Variants in CEP63 observed in about 807,000 individuals in gnomAD.
CEP63 encodes the protein centrosomal protein 63, also known as centrosomal protein of 63 kDa.
Under a neutral mutation model 89.1 loss-of-function variants are expected in CEP63, and 84 were observed. The observed-to-expected ratio is 0.94, with a 90% CI of 0.79 to 1.13. The LOEUF (loss-of-function observed/expected upper bound fraction) is 1.13, where lower values mean the gene tolerates loss of function less well. CEP63 is among the 50% of genes most tolerant of loss of function. The pLI is 0.00. For synonymous variants in CEP63, 267 were observed against 272.5 expected, an observed-to-expected ratio of 0.98 and a Z score of 0.20; for missense variants, 838 against 813.3, an observed-to-expected ratio of 1.03 and a Z score of -0.37.
chr3:134,611,496 A>AG, the CEP63 span, among the ~76,000 whole-genome samples: 1 of 152,226 alleles, frequency 6.6e-6, no homozygotes, highest in African/African-American at 2.4e-5. Flanking sequence ...ATCCCATGCT[A>AG]GCCCTCCTAG....
At chr3:134,595,197 C>A in the CEP63 span, among the ~76,000 whole-genome samples, 5 of 152,166 alleles carry the variant, frequency 3.3e-5, 1 homozygote, top group Admixed American at 2.6e-4. Flanking sequence ...TCATGCTGTT[C>A]TCGTGATAGT....
chr3:134,652,373 G>A, the CEP63 span, among the ~76,000 whole-genome samples: 1 of 152,098 alleles, frequency 6.6e-6, no homozygotes, highest in African/African-American at 2.4e-5. Flanking sequence ...AGATTCTGAA[G>A]GTCTTCCTCC....
the CEP63 span, among the ~76,000 whole-genome samples, chr3:134,660,463 C>T: frequency 1.3e-5 from 2 of 152,156 alleles, no homozygotes; most frequent in African/African-American, 4.8e-5. Flanking sequence ...TCACGTAGTT[C>T]AGAAGTGGCA....
At chr3:134,745,696 A>G in the CEP63 span, among the ~76,000 whole-genome samples, 1 of 149,864 alleles carries the variant, frequency 6.7e-6, no homozygotes, top group Non-Finnish European at 1.5e-5. Context: ...CCCCCACCCC[A>G]TGACAGGCCC....
At chr3:134,500,496 T>C (rs1371670607) in intron 2 of CEP63, among the ~76,000 whole-genome samples, 2 of 152,162 alleles carry the variant, frequency 1.3e-5, no homozygotes, top group African/African-American at 2.4e-5. Flanking sequence ...TCTCATTCTA[T>C]TTTTAGTTAT....
chr3:134,661,313 A>C, the CEP63 span, among the ~76,000 whole-genome samples: 77 of 152,312 alleles, frequency 5.1e-4, no homozygotes, highest in Middle Eastern at 3.4e-3. Flanking sequence ...GCAAACCATC[A>C]GCCAACCCCA....
At chr3:134,655,272 G>A in the CEP63 span, among the ~76,000 whole-genome samples, 4 of 152,198 alleles carry the variant, frequency 2.6e-5, no homozygotes, top group Non-Finnish European at 5.9e-5. Context: ...TCTGACCTCC[G>A]TGTTGCCTTC....
chr3:134,560,268 G>A (rs1957112310), intron 14 of CEP63, among the ~76,000 whole-genome samples: 1 of 152,178 alleles, frequency 6.6e-6, no homozygotes, highest in Admixed American at 6.5e-5. Context: ...GTGATGGGAT[G>A]TTCCCTCAGA....
exon 11 of CEP63, among the ~76,000 whole-genome samples, chr3:134,587,761 T>C (rs1402277208): frequency 1.3e-5 from 2 of 151,900 alleles, no homozygotes; most frequent in African/African-American, 4.8e-5. Flanking sequence ...AAATCACCTG[T>C]CTTCTCCATC....
the CEP63 span, among the ~76,000 whole-genome samples, chr3:134,777,654 T>C: frequency 6.8e-6 from 1 of 147,246 alleles, no homozygotes; most frequent in Non-Finnish European, 1.5e-5. Context: ...AGTTTTGCTC[T>C]GTTGCTCAGG....
At chr3:134,676,654 T>C in the CEP63 span, among the ~76,000 whole-genome samples, 1 of 152,108 alleles carries the variant, frequency 6.6e-6, no homozygotes, top group Non-Finnish European at 1.5e-5. Flanking sequence ...GGGTCAACAG[T>C]GAGGAATTGA....
At chr3:134,699,407 G>A in the CEP63 span, among the ~76,000 whole-genome samples, 1 of 152,188 alleles carries the variant, frequency 6.6e-6, no homozygotes, top group Non-Finnish European at 1.5e-5. Flanking sequence ...AAGAGAGTGC[G>A]CTATCCAAGC....
chr3:134,657,519 A>T, the CEP63 span, among the ~76,000 whole-genome samples: 1,910 of 152,114 alleles, frequency 0.013, 35 homozygotes, highest in African/African-American at 0.042. Flanking sequence ...AAGCTAATTT[A>T]AAAGATTGCT....
At chr3:134,716,754 C>T in the CEP63 span, among the ~76,000 whole-genome samples, 1 of 152,222 alleles carries the variant, frequency 6.6e-6, no homozygotes. Flanking sequence ...GCCTCCTCTG[C>T]TTCTGTCATT....
At chr3:134,657,140 T>C in the CEP63 span, among the ~76,000 whole-genome samples, 477 of 152,278 alleles carry the variant, frequency 3.1e-3, 5 homozygotes, top group African/African-American at 0.011. Context: ...CTCAGAATCA[T>C]GATGGGAGGC....
the CEP63 span, among the ~76,000 whole-genome samples, chr3:134,750,961 T>C: frequency 6.6e-6 from 1 of 152,240 alleles, no homozygotes; most frequent in Non-Finnish European, 1.5e-5. Context: ...GGATTCACAA[T>C]ATTGTGCAAC....
At chr3:134,717,460 A>C in the CEP63 span, among the ~76,000 whole-genome samples, 1 of 152,198 alleles carries the variant, frequency 6.6e-6, no homozygotes, top group African/African-American at 2.4e-5. Flanking sequence ...TTGCAAAACG[A>C]AACACCTTGT....
At chr3:134,780,844 A>G in the CEP63 span, among the ~76,000 whole-genome samples, 1 of 152,156 alleles carries the variant, frequency 6.6e-6, no homozygotes, top group Non-Finnish European at 1.5e-5. Flanking sequence ...TGTTTATGAC[A>G]TTCTCCTCCT....
the CEP63 span, among the ~76,000 whole-genome samples, chr3:134,680,372 T>C: frequency 7.2e-5 from 11 of 152,162 alleles, no homozygotes; most frequent in South Asian, 2.1e-4. Flanking sequence ...ACAAAGGCCA[T>C]TGGGGAAAGG....
Sources: gnomAD v4.1 joint callset for allele counts (sites outside exome capture counted in the v4.1 genomes callset) on GRCh38, gnomAD v4.1.1 for gene constraint, MANE v1.5 for transcripts, NCBI Gene and HGNC (gene_info 2026-07-23, HGNC 2026-07-21) for gene names.